The following SATB2 variants were observed in gnomAD, a reference collection of about 807,000 sequenced individuals.
SATB2 encodes the protein DNA-binding protein SATB2.
A neutral mutation model predicts 73.4 loss-of-function variants in SATB2; 1 was observed. That is an observed-to-expected ratio of 0.01 (90% CI 0.00 to 0.06). The LOEUF (loss-of-function observed/expected upper bound fraction) is 0.06, where lower values mean the gene tolerates loss of function less well. Ranked by LOEUF, SATB2 falls within the 10% of genes least tolerant of loss-of-function variation. The probability of loss-of-function intolerance (pLI) is 1.00; values close to 1 mark genes in which losing one functional copy is unlikely to be tolerated. For missense variants in SATB2, 459 were observed against 945.8 expected (o/e 0.49, Z 6.75); for synonymous variants, 397 against 367.0 (o/e 1.08, Z -0.93).
chr2:199,421,172 CA>C (rs1478307884), intron 3 of SATB2, among the ~76,000 whole-genome samples: 1 of 152,028 alleles, frequency 6.6e-6, no homozygotes, highest in African/African-American at 2.4e-5. Context: ...AGTAGGTACT[CA>C]AATAGGTTCC....
intron 3 of SATB2, among the ~76,000 whole-genome samples, chr2:199,418,290 A>G (rs1442440113): frequency 6.6e-6 from 1 of 152,160 alleles, no homozygotes; most frequent in East Asian, 1.9e-4. Flanking sequence ...CACAACGCCT[A>G]ACCACTGCAC....
intron 6 of SATB2, among the ~76,000 whole-genome samples, chr2:199,350,800 A>G (rs1184561522): frequency 6.6e-6 from 1 of 152,052 alleles, no homozygotes; most frequent in Non-Finnish European, 1.5e-5. Flanking sequence ...AGGCTGGTGG[A>G]TCACCTGAGG....
At chr2:199,409,963 T>A (rs912464006) in intron 3 of SATB2, among the ~76,000 whole-genome samples, 1 of 151,186 alleles carries the variant, frequency 6.6e-6, no homozygotes, top group African/African-American at 2.4e-5. Flanking sequence ...TGGCTCCCCA[T>A]CACTCCATCA....
chr2:199,368,943 A>G (rs1329945478), intron 5 of SATB2: 4 of 424,484 alleles, frequency 9.4e-6, no homozygotes, highest in Admixed American at 7.7e-5. Flanking sequence ...TCAACAATGG[A>G]GGGGACAGAA....
intron 10 of SATB2, among the ~76,000 whole-genome samples, chr2:199,279,086 T>C (rs1692402894): frequency 6.6e-6 from 1 of 152,212 alleles, no homozygotes; most frequent in African/African-American, 2.4e-5. Flanking sequence ...TTTGCTGTAA[T>C]CTCTCTGGGC....
chr2:199,303,101 T>C (rs1461944855), intron 10 of SATB2, among the ~76,000 whole-genome samples: 1 of 152,224 alleles, frequency 6.6e-6, no homozygotes, highest in Non-Finnish European at 1.5e-5. Flanking sequence ...CAGGGAATGC[T>C]GGCTGTCGCA....
At chr2:199,402,201 A>G (rs867651722) in intron 3 of SATB2, among the ~76,000 whole-genome samples, 18 of 152,278 alleles carry the variant, frequency 1.2e-4, no homozygotes, top group Middle Eastern at 3.4e-3. Context: ...CCTGGCCAAC[A>G]TGGTGAAACC....
chr2:199,278,121 A>G (rs1490816134), intron 10 of SATB2, among the ~76,000 whole-genome samples: 4 of 152,158 alleles, frequency 2.6e-5, no homozygotes, highest in Non-Finnish European at 5.9e-5. Context: ...AAGTTATTTG[A>G]GATAAGGTGA....
chr2:199,304,411 A>G (rs1256458839), intron 10 of SATB2, among the ~76,000 whole-genome samples: 4 of 152,078 alleles, frequency 2.6e-5, no homozygotes, highest in African/African-American at 7.2e-5. Context: ...CCTCTGTGCT[A>G]TCTACACACA....
chr2:199,293,481 A>G (rs1342675016), intron 10 of SATB2, among the ~76,000 whole-genome samples: 1 of 152,138 alleles, frequency 6.6e-6, no homozygotes, highest in African/African-American at 2.4e-5. Context: ...TTTTCTATTC[A>G]GAAGTTGACC....
In SATB2 at chr2:199,320,116, A is replaced by T. The variant is rs774459765; in HGVS notation, c.1542+3687T>A. ...AGCAGAAGCTTTTGAGGAACAAGGC[A>T]TTCCTGTGGCCACGCAGACAGAATG... On this transcript the variant is annotated intron_variant, in intron 9 of 10. Transcript: ENST00000417098. 8.2e-4 allele frequency among the ~76,000 whole-genome samples: 124 copies of T among 152,140 alleles called. 1 individual carries two copies. Among genetic ancestry groups the T allele is most frequent in the Admixed American group, 1.5e-3 (23 of 15,254 alleles).
intron 10 of SATB2, among the ~76,000 whole-genome samples, chr2:199,293,892 A>G (rs1421933265): frequency 6.6e-6 from 1 of 151,882 alleles, no homozygotes; most frequent in Non-Finnish European, 1.5e-5. Context: ...GTGGGAGAAA[A>G]AAAACAAAAC....
At chr2:199,408,891 C>T (rs1355847397) in intron 3 of SATB2, among the ~76,000 whole-genome samples, 1 of 152,150 alleles carries the variant, frequency 6.6e-6, no homozygotes, top group East Asian at 1.9e-4. Context: ...CTGGATCAAG[C>T]TCTACCAGGG....
intron 10 of SATB2, among the ~76,000 whole-genome samples, chr2:199,295,865 G>T (rs1469730148): frequency 6.6e-6 from 1 of 152,152 alleles, no homozygotes; most frequent in Non-Finnish European, 1.5e-5. Context: ...TAGTTTGCTT[G>T]ATCTCCCATT....
At chr2:199,368,490 C>T (rs1429447254) in intron 6 of SATB2, 115 bp downstream of exon 6, 7 of 710,918 alleles carry the variant, frequency 9.8e-6, no homozygotes, top group Middle Eastern at 6.3e-4. Flanking sequence ...AAGATCTCAC[C>T]TTTGTAAAAA....
At chr2:199,313,427 C>T (rs1687647390) in intron 9 of SATB2, among the ~76,000 whole-genome samples, 1 of 152,090 alleles carries the variant, frequency 6.6e-6, no homozygotes. Context: ...TGCTTCCTTG[C>T]AATCAATGGT....
chr2:199,321,914 A>C (rs1489117759), intron 9 of SATB2, among the ~76,000 whole-genome samples: 1 of 152,126 alleles, frequency 6.6e-6, no homozygotes, highest in East Asian at 1.9e-4. Context: ...TCCTCACTTA[A>C]GCTCAATCTT....
At chr2:199,410,654 A>G (rs914828428) in intron 3 of SATB2, among the ~76,000 whole-genome samples, 1 of 152,198 alleles carries the variant, frequency 6.6e-6, no homozygotes, top group Non-Finnish European at 1.5e-5. Flanking sequence ...AACTTTATGG[A>G]ATATTTAGAT....
chr2:199,425,143 T>G (rs1691288882), intron 3 of SATB2, among the ~76,000 whole-genome samples: 1 of 152,202 alleles, frequency 6.6e-6, no homozygotes, highest in African/African-American at 2.4e-5. Context: ...ATTTTAGGCT[T>G]GTAGGTTTCA....
Sources: allele counts gnomAD v4.1 joint callset (sites outside exome capture counted in the v4.1 genomes callset), GRCh38; gene constraint gnomAD v4.1.1; transcripts MANE v1.5; gene names NCBI Gene and HGNC (gene_info 2026-07-23, HGNC 2026-07-21).